Variants in COL17A1 observed in about 807,000 individuals in gnomAD.
COL17A1 encodes collagen type XVII alpha 1 chain.
COL17A1 carries 181 observed loss-of-function variants against 218.4 expected under a neutral mutation model. That is an observed-to-expected ratio of 0.83 (90% CI 0.73 to 0.94). The LOEUF (loss-of-function observed/expected upper bound fraction) is 0.94. COL17A1 is among the 40% of genes least tolerant of loss of function. COL17A1 has a pLI of 0.00. For missense variants in COL17A1, 1,924 were observed against 1,945.9 expected (o/e 0.99, Z 0.21); for synonymous variants, 721 against 731.0 (o/e 0.99, Z 0.22).
intron 48 of COL17A1, 50 bp from the exon 49 acceptor site, chr10:104,035,613 CCT>C (rs2086272812): frequency 6.9e-7 from 1 of 1,448,486 alleles, no homozygotes; most frequent in African/African-American, 1.4e-5. Flanking sequence ...GATGGAAACA[CCT>C]GTCAGAGAGG....
At position 104,035,533 on chromosome 10, in the gene COL17A1, G is replaced by A. The variant is rs199936734; in HGVS notation, c.3449C>T (p.Pro1150Leu). 2 of 1,613,966 alleles carry A rather than the reference G, an allele frequency of 1.2e-6. No individual in the cohort carries two copies. The change falls in exon 49 of 56, where the codon CCC (proline) becomes CTC (leucine). Residue 1150 changes from proline (P) to leucine (L), a missense_variant. By Grantham distance (98) the Pro-to-Leu change is moderately conservative. Transcript: ENST00000648076. Reference sequence around the variant, plus strand: ...TCCCGGCAAGCCAGGGGGCCCCGGGGGACCAGGAAGCCCAATGCTGATCCC... The same window carrying A: ...TCCCGGCAAGCCAGGGGGCCCCGGGAGACCAGGAAGCCCAATGCTGATCCC... Reference protein sequence around the residue: ...SSGISIGLPGPPGPPGLPGTS... With the variant: ...SSGISIGLPGLPGPPGLPGTS...
At chr10:104,056,361 T>A (rs1403608657) in intron 17 of COL17A1, among the ~76,000 whole-genome samples, 3 of 152,004 alleles carry the variant, frequency 2.0e-5, no homozygotes, top group African/African-American at 7.3e-5. Flanking sequence ...GGGGGGCAGA[T>A]CACGGGGTCA....
At chr10:104,033,077 T>C in intron 53 of COL17A1, 109 bp from the exon 54 acceptor site, 1 of 1,517,514 alleles carries the variant, frequency 6.6e-7, no homozygotes, top group Non-Finnish European at 9.0e-7. Context: ...AGTTTGGACG[T>C]GTAAGAGGAA....
At chr10:104,033,480 T>C in intron 52 of COL17A1, 105 bp from the exon 53 acceptor site, 1 of 1,368,794 alleles carries the variant, frequency 7.3e-7, no homozygotes, top group Non-Finnish European at 1.0e-6. Flanking sequence ...GCAGTTGAAC[T>C]AGATCAAGCC....
chr10:104,059,101 T>TA (rs1387456300), intron 15 of COL17A1, among the ~76,000 whole-genome samples: 2 of 152,162 alleles, frequency 1.3e-5, no homozygotes, highest in African/African-American at 4.8e-5. Context: ...TTTAAAGACT[T>TA]ACAGTCAGGT....
At position 104,057,159 on chromosome 10, in the gene COL17A1, G is replaced by T; in HGVS notation, c.1281C>A (p.Tyr427Ter). 1 of 1,614,008 alleles carries T rather than the reference G, an allele frequency of 6.2e-7. No individual in the cohort carries two copies. ...CACTGCCACCACCACCACTGCTGCC[G>T]TAGCTGTGGATATCTGTGAAAGAGA... Reference protein sequence around the residue: ...GKTTTADIHSYGSSGGGGSGG... With the variant: ...GKTTTADIHS Residue 427 changes from tyrosine to a stop codon, truncating the protein, a stop_gained, in exon 17 of 56, where the codon TAC becomes TAA. Coordinates refer to ENST00000648076, the MANE Select transcript of COL17A1 (RefSeq NM_000494.4). LOFTEE classifies it high-confidence loss of function.
At chr10:104,058,884 A>G (rs2086555930) in intron 15 of COL17A1, among the ~76,000 whole-genome samples, 1 of 151,696 alleles carries the variant, frequency 6.6e-6, no homozygotes. Context: ...CAGTGAGCTG[A>G]GACCATGCCA....
In COL17A1 at chr10:104,032,898, C is replaced by G; in HGVS notation, c.4357+8G>C. On this transcript the variant is annotated splice_region_variant and intron_variant, in intron 54 of 55. Coordinates refer to ENST00000648076, the MANE Select transcript of COL17A1 (RefSeq NM_000494.4). Reference sequence around the variant, plus strand: ...GGATCCAGGGACTGGCTCTCTGCCACCACTTACCTTTGGGTCCTGGAGTGC... The same window carrying G: ...GGATCCAGGGACTGGCTCTCTGCCAGCACTTACCTTTGGGTCCTGGAGTGC... 6.2e-7 allele frequency: 1 copy of G among 1,614,172 alleles called. No individual in the cohort carries two copies. The highest frequency in any genetic ancestry group is 8.5e-7 in the Non-Finnish European group (1 of 1,180,014).
rs1422844290 is a variant in COL17A1 at position 104,048,092 on chromosome 10, G to C, written c.2240C>G (p.Pro747Arg). The change falls in exon 30 of 56, where the codon CCA (proline) becomes CGA (arginine). Residue 747 changes from proline (P) to arginine (R), a missense_variant. Coordinates refer to ENST00000648076, the MANE Select transcript of COL17A1 (RefSeq NM_000494.4). ...ACCTCTTGGGCCTTGGTGTCCGTCT[G>C]GGCCAGCAGGACCTGGTAAAGTAGA... is the stretch of plus-strand genomic sequence containing the variant. ...GAKGAMGPAG[P>R]DGHQGPRGEQ... 6.2e-7 allele frequency: 1 copy of C among 1,614,064 alleles called. No individual in the cohort carries two copies. Among genetic ancestry groups the C allele is most frequent in the Non-Finnish European group, 8.5e-7 (1 of 1,180,046 alleles).
At position 104,036,656 on chromosome 10, in the gene COL17A1, C is replaced by CAG. The variant is rs1324309438; in HGVS notation, c.3278-26_3278-25dup. ...CCCTGGAGAGGAGAGGATGCACTAG[C>CAG]AGGACCCACCCAGGCCATGGGGGTC... On this transcript the variant is annotated intron_variant, in intron 47 of 55. Transcript: ENST00000648076. 1.9e-6 allele frequency: 3 copies of CAG among 1,612,378 alleles called. No homozygotes were observed. The African/African-American group carries it at 4.0e-5, about 22-fold the overall frequency.
At chr10:104,061,917 G>T (rs180748985) in intron 12 of COL17A1, among the ~76,000 whole-genome samples, 4 of 152,294 alleles carry the variant, frequency 2.6e-5, no homozygotes, top group Admixed American at 2.0e-4. Context: ...TGTAGGGGGT[G>T]CACCATAAAA....
At chr10:104,033,212 C>A in intron 53 of COL17A1, 26 bp downstream of exon 53, 1 of 1,573,544 alleles carries the variant, frequency 6.4e-7, no homozygotes. Context: ...GAGGCAGGTG[C>A]TGGGAAAGCA....
intron 32 of COL17A1, 120 bp from the exon 33 acceptor site, chr10:104,045,913 G>A (rs1211523718): frequency 2.1e-5 from 18 of 856,780 alleles, no homozygotes; most frequent in South Asian, 4.1e-5. Context: ...ACCCTGGGAC[G>A]CACCAGCTTT....
chr10:104,081,859 A>G (rs74154732), intron 1 of COL17A1, among the ~76,000 whole-genome samples: 6,128 of 152,278 alleles, frequency 0.04, 408 homozygotes, highest in African/African-American at 0.14. Flanking sequence ...AAGGAAAAAT[A>G]ATCAGAATCT....
rs370710017 is a variant in COL17A1 at position 104,043,600 on chromosome 10, T to C, written c.2435-19A>G. ...GACCCCTCTGAAAACAGAAGGCACA[T>C]GGAACATTGAGCCCTACTTTTCTCA... On this transcript the variant is annotated intron_variant, in intron 34 of 55. Transcript: ENST00000648076. 1.7e-4 allele frequency: 273 copies of C among 1,613,342 alleles called. No homozygotes were observed. Among genetic ancestry groups the C allele is most frequent in the Admixed American group, 4.8e-4 (29 of 59,986 alleles).
Position 104,037,621 on chromosome 10 carries a change from T to A in COL17A1, c.3208+15A>T, listed in dbSNP as rs746582849. On this transcript the variant is annotated intron_variant, in intron 46 of 55. Transcript: ENST00000648076. The stretch of plus-strand genomic sequence containing the variant: ...GGAGGAAGGTGCCAGGTGCAGGGCG[T>A]GGGGAAGGGCTTACTCCGTAAGTAG... 1.9e-6 allele frequency: 3 copies of A among 1,613,952 alleles called. No individual in the cohort carries two copies. Among genetic ancestry groups the A allele is most frequent in the Non-Finnish European group, 2.5e-6 (3 of 1,179,956 alleles).
In COL17A1 at chr10:104,077,504, A is replaced by T; in HGVS notation, c.120T>A (p.Tyr40Ter). 4 of 1,612,930 alleles carry T rather than the reference A, an allele frequency of 2.5e-6. No homozygotes were observed. Among genetic ancestry groups the T allele is most frequent in the Non-Finnish European group, 3.4e-6 (4 of 1,179,700 alleles). Residue 40 changes from tyrosine to a stop codon, truncating the protein, a stop_gained, in exon 4 of 56, where the codon TAT (tyrosine) becomes TAA (stop). Transcript: ENST00000648076. LOFTEE classifies it high-confidence loss of function. Reference sequence around the variant, plus strand: ...CTCCACCAAGAGAGGCTGTTTTAGCATAGCCATTGCTGGTCCCGCCTTCTG... The same window carrying T: ...CTCCACCAAGAGAGGCTGTTTTAGCTTAGCCATTGCTGGTCCCGCCTTCTG... The part of the protein sequence containing the change: ...LPPKGGTSNG[Y>*]AKTASLGGGS...
intron 7 of COL17A1, 60 bp downstream of exon 7, chr10:104,073,150 A>G: frequency 2.0e-6 from 3 of 1,516,822 alleles, no homozygotes; most frequent in Non-Finnish European, 2.7e-6. Context: ...CTGGACACAC[A>G]TTAACTTCTC....
rs1219085283 is a variant in COL17A1 at position 104,036,630 on chromosome 10, C to G, written c.3280G>C (p.Asp1094His). 1.2e-6 allele frequency: 2 copies of G among 1,613,784 alleles called. No individual in the cohort carries two copies. The highest frequency in any genetic ancestry group is 1.7e-6 in the Non-Finnish European group (2 of 1,179,888). Reference sequence around the variant, plus strand: ...TGACGTAGGTACTGACGCACGTCATCCCCTGGAGAGGAGAGGATGCACTAG... The same window carrying G: ...TGACGTAGGTACTGACGCACGTCATGCCCTGGAGAGGAGAGGATGCACTAG... ...SEDILAVLQRDDVRQYLRQYL... is the reference protein window; with the variant it reads ...SEDILAVLQRHDVRQYLRQYL... Residue 1094 changes from aspartate to histidine, a missense_variant and splice_region_variant, in exon 48 of 56, where the codon GAT becomes CAT. Physicochemically the swap from Asp to His is moderately conservative, Grantham distance 81. Transcript: ENST00000648076.
Sources: allele counts gnomAD v4.1 joint callset (sites outside exome capture counted in the v4.1 genomes callset), GRCh38; gene constraint gnomAD v4.1.1; transcripts MANE v1.5; gene names NCBI Gene and HGNC (gene_info 2026-07-23, HGNC 2026-07-21).